RBL1: variants seen among roughly 807,000 people sequenced by gnomAD.
The protein encoded by RBL1 is RB transcriptional corepressor like 1.
In RBL1, 82 loss-of-function variants were observed where a neutral mutation model predicts 123.0. The ratio of observed to expected loss-of-function variants is 0.67; its 90% CI spans 0.56 to 0.80. RBL1 has a LOEUF of 0.80. Ranked by LOEUF, RBL1 falls within the 30% of genes least tolerant of loss-of-function variation. The pLI is 0.00. For missense variants in RBL1, 1,171 were observed against 1,299.6 expected (o/e 0.90, Z 1.52); for synonymous variants, 405 against 441.3 (o/e 0.92, Z 1.03).
chr20:37,082,158 C>T, intron 2 of RBL1: 1 of 356,022 alleles, frequency 2.8e-6, no homozygotes, highest in South Asian at 2.1e-5. Flanking sequence ...CCAGAAACCC[C>T]AGGGACCTGC....
chr20:37,056,444 T>C (rs544429860), intron 9 of RBL1, among the ~76,000 whole-genome samples, 186 bp from the exon 10 acceptor site: 1 of 145,514 alleles, frequency 6.9e-6, no homozygotes, highest in African/African-American at 2.5e-5. Flanking sequence ...AACCTCTTCC[T>C]CCAGGGTTCA....
At chr20:37,085,275 G>A (rs1276362272) in intron 2 of RBL1, among the ~76,000 whole-genome samples, 1 of 151,620 alleles carries the variant, frequency 6.6e-6, no homozygotes, top group Non-Finnish European at 1.5e-5. Flanking sequence ...TAGGATTACA[G>A]GCACCCGCAA....
At position 36,998,699 on chromosome 20, in the gene RBL1, G is replaced by A; in HGVS notation, c.*60C>T. ...ATAGGGCTAAAAGGTTTGAAGGACA[G>A]AGCTCCAACTTTCTGCAGAACAATC... On this transcript the variant is annotated 3_prime_UTR_variant, in exon 22 of 22. Transcript: ENST00000373664. 1 of 1,471,300 alleles carries A rather than the reference G, an allele frequency of 6.8e-7. No homozygotes were observed. Among genetic ancestry groups the A allele is most frequent in the Non-Finnish European group, 9.2e-7 (1 of 1,081,538 alleles). 91.1% of individuals were successfully genotyped at this position (1,471,300 alleles called of 1,614,324 possible).
intron 2 of RBL1, 131 bp downstream of exon 2, chr20:37,088,858 G>A (rs995724752): frequency 4.0e-5 from 23 of 572,984 alleles, no homozygotes; most frequent in African/African-American, 8.0e-5. Flanking sequence ...GTGAGACTGC[G>A]TCTCAAAAAT....
intron 2 of RBL1, among the ~76,000 whole-genome samples, chr20:37,070,514 A>C (rs1313899857): frequency 1.3e-5 from 2 of 152,074 alleles, no homozygotes; most frequent in Non-Finnish European, 2.9e-5. Context: ...AAATAAAATT[A>C]GTTTGAGGGA....
intron 14 of RBL1, among the ~76,000 whole-genome samples, chr20:37,036,980 A>C (rs1036304500): frequency 1.9e-4 from 29 of 152,296 alleles, no homozygotes; most frequent in African/African-American, 6.3e-4. Flanking sequence ...CCTGGCAATG[A>C]TTTAGAAGCT....
chr20:37,031,713 G>C (rs187797198), intron 16 of RBL1, among the ~76,000 whole-genome samples: 98 of 152,224 alleles, frequency 6.4e-4, no homozygotes, highest in Non-Finnish European at 1.1e-3. Flanking sequence ...GGAATTGAAA[G>C]CAGAGACTTG....
At chr20:37,062,926 G>A (rs1398367785) in intron 7 of RBL1, among the ~76,000 whole-genome samples, 1 of 151,786 alleles carries the variant, frequency 6.6e-6, no homozygotes, top group Non-Finnish European at 1.5e-5. Context: ...AGCTTGCAGT[G>A]AGCTGAGATC....
At chr20:37,017,556 G>A (rs1456597950) in intron 19 of RBL1, among the ~76,000 whole-genome samples, 1 of 151,934 alleles carries the variant, frequency 6.6e-6, no homozygotes, top group Admixed American at 6.6e-5. Flanking sequence ...TGGCAAGAGG[G>A]TGCAGTCTTG....
rs76244280 is a variant in RBL1 at position 37,031,554 on chromosome 20, G to A, written c.2382+1111C>T. ...AAAAAACAAACAAACCAGAAAACACGAAACGTTGGCAACGATGAGAAGAAC... is the reference window on the plus strand; with the variant it reads ...AAAAAACAAACAAACCAGAAAACACAAAACGTTGGCAACGATGAGAAGAAC... On this transcript the variant is annotated intron_variant, in intron 16 of 21. Transcript: ENST00000373664. 7.9e-4 allele frequency among the ~76,000 whole-genome samples: 120 copies of A among 152,254 alleles called. 1 individual carries two copies. The East Asian group carries it at 0.019, about 24-fold the overall frequency.
Position 37,007,520 on chromosome 20 carries a change from C to T in RBL1, c.2762G>A (p.Gly921Glu). The change falls in exon 20 of 22, where the codon GGA (glycine) becomes GAA (glutamate). Residue 921 changes from glycine (G) to glutamate (E), a missense_variant. By Grantham distance (98) the Gly-to-Glu change is moderately conservative (BLOSUM62 -2). Coordinates refer to ENST00000373664, the MANE Select transcript of RBL1 (RefSeq NM_002895.5). ...ATCACCTCTTTCCTCTTTCACTGGT[C>T]CACTGGAACAGTCAGGTGTTTTTGT... ...DATKTPDCSS[G>E]PVKEERGDLI... 2 of 1,613,908 alleles carry T rather than the reference C, an allele frequency of 1.2e-6. No individual in the cohort carries two copies. The highest frequency in any genetic ancestry group is 1.7e-6 in the Non-Finnish European group (2 of 1,179,916).
intron 9 of RBL1, among the ~76,000 whole-genome samples, chr20:37,058,064 G>A (rs2065036464): frequency 6.7e-6 from 1 of 149,396 alleles, no homozygotes; most frequent in Non-Finnish European, 1.5e-5. Flanking sequence ...GGCGAAGGCT[G>A]CAGATCGGGC....
At chr20:37,054,278 T>C (rs1335740498) in intron 11 of RBL1, among the ~76,000 whole-genome samples, 1 of 151,010 alleles carries the variant, frequency 6.6e-6, no homozygotes, top group Non-Finnish European at 1.5e-5. Context: ...TGGTCAGGAG[T>C]TCAAGACCAG....
At chr20:37,085,903 T>C (rs1026435632) in intron 2 of RBL1, among the ~76,000 whole-genome samples, 20 of 151,444 alleles carry the variant, frequency 1.3e-4, no homozygotes, top group African/African-American at 4.9e-4. Context: ...CCCGGCTTGG[T>C]CTCCCAAAGT....
At chr20:37,028,030 C>T (rs947826919) in intron 16 of RBL1, among the ~76,000 whole-genome samples, 1 of 152,154 alleles carries the variant, frequency 6.6e-6, no homozygotes, top group Admixed American at 6.6e-5. Context: ...ACTGAGATTA[C>T]AGGCATAAGC....
chr20:37,085,518 GT>G (rs2065528323), intron 2 of RBL1, among the ~76,000 whole-genome samples: 1 of 151,984 alleles, frequency 6.6e-6, no homozygotes, highest in Non-Finnish European at 1.5e-5. Flanking sequence ...TGTGTGCGTG[GT>G]AAAACATACA....
chr20:37,093,386 A>G (rs2065678263), intron 1 of RBL1, among the ~76,000 whole-genome samples: 1 of 151,992 alleles, frequency 6.6e-6, no homozygotes. Flanking sequence ...TCATGCTTGT[A>G]ATCCCAATGC....
Position 37,056,149 on chromosome 20 carries a change from T to G in RBL1, c.1360A>C (p.Ile454Leu). 1 of 1,606,362 alleles carries G rather than the reference T, an allele frequency of 6.2e-7. No individual in the cohort carries two copies. The highest frequency in any genetic ancestry group is 8.5e-7 in the Non-Finnish European group (1 of 1,178,748). The stretch of plus-strand genomic sequence containing the variant: ...AACTGTAGTTTTCTTTTCTTACCTA[T>G]GTGAGATCCTGGCTGTTCATCTGTT... ...QSTDEQPGSH[I>L]DFAVNRLKLA... Residue 454 changes from isoleucine to leucine, a missense_variant, in exon 10 of 22, where the codon ATA becomes CTA. Ile to Leu is a conservative substitution (Grantham distance 5). Transcript: ENST00000373664.
chr20:37,004,020 CTT>C (rs34799722), intron 20 of RBL1, among the ~76,000 whole-genome samples, 154 bp from the exon 21 acceptor site: 5 of 134,886 alleles, frequency 3.7e-5, no homozygotes, highest in Non-Finnish European at 3.2e-5. Flanking sequence ...TTTACTTCTT[CTT>C]TTTTTTTTTT....
Sources: gnomAD v4.1 joint callset for allele counts (sites outside exome capture counted in the v4.1 genomes callset) on GRCh38, gnomAD v4.1.1 for gene constraint, MANE v1.5 for transcripts, NCBI Gene and HGNC (gene_info 2026-07-23, HGNC 2026-07-21) for gene names.